Variants in ITPK1 observed in about 807,000 individuals in gnomAD.
ITPK1 encodes inositol-tetrakisphosphate 1-kinase.
ITPK1 carries 21 observed loss-of-function variants against 45.3 expected under a neutral mutation model. That is an observed-to-expected ratio of 0.46 (90% confidence interval 0.33 to 0.67). The LOEUF is 0.67. Among genes scored for constraint, ITPK1 ranks in the 30% least tolerant of loss-of-function variants. The probability of loss-of-function intolerance (pLI) is 0.02; values close to 1 mark genes in which losing one functional copy is unlikely to be tolerated. For missense variants in ITPK1, 474 were observed against 573.5 expected, an observed-to-expected ratio of 0.83 and a Z score of 1.77; for synonymous variants, 258 against 253.6, an observed-to-expected ratio of 1.02 and a Z score of -0.16.
At chr14:93,004,987 A>G (rs924824700) in intron 4 of ITPK1, among the ~76,000 whole-genome samples, 1 of 152,124 alleles carries the variant, frequency 6.6e-6, no homozygotes, top group Non-Finnish European at 1.5e-5. Context: ...TCTCAACATG[A>G]AAAGTGAGGA....
At position 92,994,112 on chromosome 14, in the gene ITPK1, G is replaced by C. The variant is rs1886929900; in HGVS notation, c.247-115C>G. On this transcript the variant is annotated intron_variant, in intron 4 of 10. Transcript: ENST00000267615. ...TGTCCTATCCTCCAGCCCTAGCTTT[G>C]GTGGAGGGTGGTGCATTCCAGCACT... 6 of 681,196 alleles carry C rather than the reference G, an allele frequency of 8.8e-6. No homozygotes were observed. In the East Asian group the frequency reaches 1.6e-4, roughly 18 times the overall value. The allele number at this position is 681,196 out of a possible 1,614,324, so 42.2% of individuals were successfully genotyped here.
At chr14:92,983,202 G>C (rs901651961) in intron 5 of ITPK1, among the ~76,000 whole-genome samples, 2 of 152,218 alleles carry the variant, frequency 1.3e-5, no homozygotes, top group South Asian at 2.1e-4. Flanking sequence ...GCAGTAGCTG[G>C]AAACGTGGGT....
rs939948267 is a variant in ITPK1, at chr14:93,071,201, T to C, written c.120+5394A>G. 15 of 153,514 alleles carry C rather than the reference T, an allele frequency of 9.8e-5. 1 individual carries two copies. Among genetic ancestry groups the C allele is most frequent in the Admixed American group, 8.5e-4 (13 of 15,292 alleles). The allele number at this position is 153,514 out of a possible 1,614,324, so 9.5% of individuals were successfully genotyped here. On this transcript the variant is annotated intron_variant, in intron 3 of 10. Transcript: ENST00000267615. The stretch of plus-strand genomic sequence containing the variant: ...GCAGCCCTGAGCAGACAGTGCTGTG[T>C]CTTTCATGATCATCATCACGTGGCC...
chr14:93,083,876 C>T (rs1340616202), intron 2 of ITPK1, among the ~76,000 whole-genome samples: 1 of 152,202 alleles, frequency 6.6e-6, no homozygotes, highest in African/African-American at 2.4e-5. Context: ...TGCCCACACC[C>T]AGCACTGGGC....
rs866941921 is a variant in ITPK1 at position 93,062,170 on chromosome 14, C to T, written c.120+14425G>A. Among the ~76,000 whole-genome samples the T allele has an allele frequency of 2.5e-4, 38 of 152,276 alleles. No homozygotes were observed. The Middle Eastern group carries it at 0.014, about 55-fold the overall frequency. The stretch of plus-strand genomic sequence containing the variant: ...CCTGTAATCTCAGTTACTCTGGGGT[C>T]TGAGACAGGAAAATCGCTTGAACCT... On this transcript the variant is annotated intron_variant, in intron 3 of 10. Coordinates refer to ENST00000267615, the MANE Select transcript of ITPK1 (RefSeq NM_014216.6).
At chr14:93,009,891 C>T (rs1483630682) in intron 4 of ITPK1, among the ~76,000 whole-genome samples, 2 of 152,162 alleles carry the variant, frequency 1.3e-5, no homozygotes, top group Non-Finnish European at 2.9e-5. Context: ...AAAGCCCCTC[C>T]GAGCTATGAT....
At chr14:92,944,626 C>A (rs1021821333) in intron 10 of ITPK1, among the ~76,000 whole-genome samples, 1 of 152,226 alleles carries the variant, frequency 6.6e-6, no homozygotes, top group Admixed American at 6.5e-5. Flanking sequence ...CTGTGCCCCC[C>A]TGGCCCTCCA....
chr14:93,085,128 T>C (rs1891596993), intron 2 of ITPK1, among the ~76,000 whole-genome samples: 1 of 152,258 alleles, frequency 6.6e-6, no homozygotes, highest in South Asian at 2.1e-4. Context: ...TACTTGCTGA[T>C]TGTTTGGTAA....
intron 3 of ITPK1, among the ~76,000 whole-genome samples, chr14:93,020,149 C>T (rs186497393): frequency 4.6e-5 from 7 of 152,294 alleles, no homozygotes; most frequent in Admixed American, 2.0e-4. Context: ...CCCTCAGGGA[C>T]GAAGGCAGAG....
chr14:93,058,699 G>T (rs1470132875), intron 3 of ITPK1, among the ~76,000 whole-genome samples: 1 of 25,064 alleles, frequency 4.0e-5, no homozygotes, highest in Non-Finnish European at 7.9e-5. Flanking sequence ...GGTGGAGGGG[G>T]TGCAGGTCAC....
chr14:92,938,058 C>T lies in ITPK1; in HGVS notation c.*3503G>A, dbSNP rs1429716913. ...CACTGCAACCTACGCCTCCCGAGTT[C>T]AAGCAATTCTCCTGCCTCAGCCTCC... On this transcript the variant is annotated 3_prime_UTR_variant, in exon 11 of 11. Coordinates refer to ENST00000267615, the MANE Select transcript of ITPK1 (RefSeq NM_014216.6). 9.7e-6 allele frequency: 2 copies of T among 205,308 alleles called. No individual in the cohort carries two copies. The highest frequency in any genetic ancestry group is 4.7e-5 in the African/African-American group (2 of 42,608). The allele number at this position is 205,308 out of a possible 1,614,324, so 12.7% of individuals were successfully genotyped here. A position where few individuals can be genotyped will look rare whatever the true frequency, so the allele number is the denominator to read the frequency against.
chr14:93,035,542 T>C (rs1889278126), intron 3 of ITPK1, among the ~76,000 whole-genome samples: 1 of 136,428 alleles, frequency 7.3e-6, no homozygotes, highest in Admixed American at 7.2e-5. Context: ...CCAAGGGGAA[T>C]GGGAGGTCAA....
intron 5 of ITPK1, among the ~76,000 whole-genome samples, chr14:92,975,894 G>A (rs373179730): frequency 1.9e-4 from 29 of 152,236 alleles, no homozygotes; most frequent in South Asian, 6.2e-4. Context: ...TCATGGAGGC[G>A]GTTACTTCCA....
chr14:92,943,147 G>T (rs1398510103), intron 10 of ITPK1, among the ~76,000 whole-genome samples: 2 of 152,268 alleles, frequency 1.3e-5, no homozygotes, highest in East Asian at 3.9e-4. Context: ...CTGGCACTGT[G>T]CGAGCGTCCC....
At chr14:92,945,641 C>T (rs1040283236) in intron 10 of ITPK1, among the ~76,000 whole-genome samples, 1 of 152,194 alleles carries the variant, frequency 6.6e-6, no homozygotes, top group African/African-American at 2.4e-5. Flanking sequence ...GTCCCCAGGG[C>T]GAGGCACGCA....
At chr14:92,999,996 T>C (rs565624001) in intron 4 of ITPK1, among the ~76,000 whole-genome samples, 2 of 152,322 alleles carry the variant, frequency 1.3e-5, no homozygotes, top group Admixed American at 6.5e-5. Context: ...AGCGAAGCCA[T>C]GTGATGTGTG....
chr14:93,056,475 A>G (rs72706425), intron 3 of ITPK1, among the ~76,000 whole-genome samples: 17,490 of 152,206 alleles, frequency 0.11, 1,103 homozygotes, highest in South Asian at 0.25. Flanking sequence ...TGGTTCCCAG[A>G]CCACACTGGG....
chr14:92,977,382 A>T (rs1385961599), intron 5 of ITPK1, among the ~76,000 whole-genome samples: 1 of 152,202 alleles, frequency 6.6e-6, no homozygotes, highest in Non-Finnish European at 1.5e-5. Flanking sequence ...CTGCCCAAAG[A>T]TGGAACTCTT....
intron 3 of ITPK1, among the ~76,000 whole-genome samples, chr14:93,035,083 C>A (rs1889260562): frequency 6.6e-6 from 1 of 152,238 alleles, no homozygotes; most frequent in Admixed American, 6.5e-5. Flanking sequence ...CTGTCCTCTG[C>A]CCACCACCCC....
Sources: allele counts gnomAD v4.1 joint callset (sites outside exome capture counted in the v4.1 genomes callset), GRCh38; gene constraint gnomAD v4.1.1; transcripts MANE v1.5; gene names NCBI Gene and HGNC (gene_info 2026-07-23, HGNC 2026-07-21).